Variants in KCND2 observed in about 807,000 individuals in gnomAD.
KCND2 encodes potassium voltage-gated channel subfamily D member 2.
A neutral mutation model predicts 54.4 loss-of-function variants in KCND2; 16 were observed. That is an observed-to-expected ratio of 0.29 (90% CI 0.20 to 0.45). KCND2 has a LOEUF of 0.45. Ranked by LOEUF, KCND2 falls within the 20% of genes least tolerant of loss-of-function variation. The pLI is 1.00. For missense variants in KCND2, 486 were observed against 824.2 expected (o/e 0.59, Z 5.02); for synonymous variants, 317 against 310.7 (o/e 1.02, Z -0.21).
At chr7:120,716,909 G>A (rs1792610099) in intron 1 of KCND2, among the ~76,000 whole-genome samples, 1 of 151,938 alleles carries the variant, frequency 6.6e-6, no homozygotes, top group Non-Finnish European at 1.5e-5. Context: ...ACCAAGGATG[G>A]TACTGAACTC....
intron 1 of KCND2, among the ~76,000 whole-genome samples, chr7:120,683,230 T>G (rs1183585008): frequency 6.6e-6 from 1 of 152,122 alleles, no homozygotes; most frequent in Non-Finnish European, 1.5e-5. Context: ...AATCCTATGG[T>G]TTTTTTATTT....
At chr7:120,293,451 T>C (rs1799465513) in intron 1 of KCND2, among the ~76,000 whole-genome samples, 1 of 151,940 alleles carries the variant, frequency 6.6e-6, no homozygotes, top group South Asian at 2.1e-4. Flanking sequence ...CTGGTTCTGC[T>C]TGACCAGAGG....
chr7:120,487,921 C>T (rs934126705), intron 1 of KCND2, among the ~76,000 whole-genome samples: 27 of 152,108 alleles, frequency 1.8e-4, no homozygotes, highest in African/African-American at 6.5e-4. Flanking sequence ...TGACTCATGC[C>T]TGTAACCCTA....
chr7:120,300,436 T>G (rs1235875864), intron 1 of KCND2, among the ~76,000 whole-genome samples: 2 of 152,104 alleles, frequency 1.3e-5, no homozygotes, highest in African/African-American at 4.8e-5. Context: ...GCAGAAAACC[T>G]TAGAAAATAA....
intron 1 of KCND2, among the ~76,000 whole-genome samples, chr7:120,657,081 T>C (rs1791812044): frequency 6.6e-6 from 1 of 152,098 alleles, no homozygotes; most frequent in Non-Finnish European, 1.5e-5. Flanking sequence ...AAAAAACAAT[T>C]CTGTTTTGGG....
chr7:120,586,922 A>C (rs1229601822), intron 1 of KCND2, among the ~76,000 whole-genome samples: 1 of 152,162 alleles, frequency 6.6e-6, no homozygotes, highest in Non-Finnish European at 1.5e-5. Flanking sequence ...AAGCCCCCAA[A>C]GTAACGAATA....
intron 1 of KCND2, among the ~76,000 whole-genome samples, chr7:120,558,188 C>T (rs73439871): frequency 0.021 from 3,240 of 152,100 alleles, 128 homozygotes; most frequent in African/African-American, 0.074. Flanking sequence ...CAACAGGATA[C>T]GCCTCCAACC....
intron 1 of KCND2, among the ~76,000 whole-genome samples, chr7:120,701,362 C>T (rs752069292): frequency 4.1e-5 from 6 of 147,798 alleles, no homozygotes; most frequent in Non-Finnish European, 8.9e-5. Context: ...TTAAAGTCTT[C>T]AAAGCTCTTC....
chr7:120,284,604 T>A (rs1315601020), intron 1 of KCND2, among the ~76,000 whole-genome samples: 5 of 152,158 alleles, frequency 3.3e-5, no homozygotes, highest in Non-Finnish European at 5.9e-5. Context: ...TCTAGAAGTA[T>A]TAGAGTCATG....
At chr7:120,740,046 G>A (rs767291760) in intron 2 of KCND2, among the ~76,000 whole-genome samples, 2 of 151,920 alleles carry the variant, frequency 1.3e-5, no homozygotes, top group African/African-American at 4.8e-5. Context: ...ATGCATATAC[G>A]GAAAGAGTTC....
intron 1 of KCND2, among the ~76,000 whole-genome samples, chr7:120,686,667 G>A (rs1792205834): frequency 2.0e-5 from 3 of 152,132 alleles, no homozygotes; most frequent in Non-Finnish European, 4.4e-5. Flanking sequence ...TCAGATGCAA[G>A]CATTCCACAT....
At chr7:120,398,001 A>G (rs966983463) in intron 1 of KCND2, among the ~76,000 whole-genome samples, 595 of 9,820 alleles carry the variant, frequency 0.061, 5 homozygotes, top group East Asian at 0.3. Flanking sequence ...GTGTGTATAT[A>G]TATATATATA....
intron 1 of KCND2, among the ~76,000 whole-genome samples, chr7:120,307,483 G>A (rs1799665601): frequency 6.6e-6 from 1 of 152,028 alleles, no homozygotes. Flanking sequence ...GTGAAAATTG[G>A]TTAAGAACTA....
chr7:120,695,917 G>A (rs377310230), intron 1 of KCND2, among the ~76,000 whole-genome samples: 55 of 152,282 alleles, frequency 3.6e-4, no homozygotes, highest in African/African-American at 1.0e-3. Context: ...TCAAAAAGAG[G>A]TGTAAAATGA....
intron 1 of KCND2, among the ~76,000 whole-genome samples, chr7:120,671,174 A>T (rs1273213434): frequency 6.6e-6 from 1 of 152,040 alleles, no homozygotes; most frequent in Admixed American, 6.5e-5. Flanking sequence ...CAAATGCCAT[A>T]GATCGGGGTC....
chr7:120,579,141 A>G (rs543177010), intron 1 of KCND2, among the ~76,000 whole-genome samples: 1 of 152,192 alleles, frequency 6.6e-6, no homozygotes. Context: ...ATAATAAACC[A>G]TAAATAAACT....
intron 1 of KCND2, among the ~76,000 whole-genome samples, chr7:120,304,913 G>C (rs1226006102): frequency 1.3e-5 from 2 of 152,158 alleles, no homozygotes; most frequent in Non-Finnish European, 2.9e-5. Flanking sequence ...ACTGCACCGA[G>C]TCTGCTAATA....
At chr7:120,543,699 T>C (rs2116384943) in intron 1 of KCND2, among the ~76,000 whole-genome samples, 1 of 152,174 alleles carries the variant, frequency 6.6e-6, no homozygotes, top group African/African-American at 2.4e-5. Flanking sequence ...GTGCTTTATT[T>C]GAAACCCCTA....
At chr7:120,439,076 A>T (rs1004406846) in intron 1 of KCND2, among the ~76,000 whole-genome samples, 4 of 152,084 alleles carry the variant, frequency 2.6e-5, no homozygotes, top group African/African-American at 9.6e-5. Flanking sequence ...TTTGGACGAG[A>T]AGACTAAGCC....
Sources: gnomAD v4.1 joint callset for allele counts (sites outside exome capture counted in the v4.1 genomes callset) on GRCh38, gnomAD v4.1.1 for gene constraint, MANE v1.5 for transcripts, NCBI Gene and HGNC (gene_info 2026-07-23, HGNC 2026-07-21) for gene names.